CNBD1: variants seen among roughly 807,000 people sequenced by gnomAD.
CNBD1 encodes cyclic nucleotide binding domain containing 1.
In CNBD1, 71 loss-of-function variants were observed where a neutral mutation model predicts 54.4. That is an observed-to-expected ratio of 1.30 (90% confidence interval 1.08 to 1.59). The LOEUF (loss-of-function observed/expected upper bound fraction) is 1.59, where lower values mean the gene tolerates loss of function less well. Among genes scored for constraint, CNBD1 ranks in the 40% most tolerant of loss-of-function variants. CNBD1 has a pLI of 0.00. For synonymous variants in CNBD1, 182 were observed against 170.7 expected, an observed-to-expected ratio of 1.07 and a Z score of -0.51; for missense variants, 659 against 518.0, an observed-to-expected ratio of 1.27 and a Z score of -2.64.
intron 8 of CNBD1, among the ~76,000 whole-genome samples, chr8:87,299,167 G>T (rs1808937922): frequency 6.6e-6 from 1 of 152,086 alleles, no homozygotes; most frequent in Admixed American, 6.6e-5. Flanking sequence ...AAAAATCTGG[G>T]TTTTATTTAT....
chr8:87,390,809 C>T (rs576386088), intron 2 of CNBD1, among the ~76,000 whole-genome samples: 72 of 152,070 alleles, frequency 4.7e-4, no homozygotes, highest in Non-Finnish European at 9.4e-4. Context: ...TATTGCGGCA[C>T]TATTCACAAT....
At chr8:87,384,736 T>TA (rs773879206), downstream of CNBD1, among the ~76,000 whole-genome samples, 12 of 151,942 alleles carry the variant, frequency 7.9e-5, no homozygotes, top group Non-Finnish European at 1.8e-4. Flanking sequence ...GGTCCAATAA[T>TA]ATGACATTAT....
chr8:87,195,255 G>GTCTC (rs1290505482), intron 4 of CNBD1, among the ~76,000 whole-genome samples: 2 of 137,676 alleles, frequency 1.5e-5, no homozygotes, highest in Non-Finnish European at 3.1e-5. Flanking sequence ...CTGAGATGGA[G>GTCTC]TCTCACTCTG....
At chr8:86,968,853 A>C (rs1000298105) in intron 4 of CNBD1, among the ~76,000 whole-genome samples, 2 of 152,164 alleles carry the variant, frequency 1.3e-5, no homozygotes, top group Non-Finnish European at 2.9e-5. Context: ...ATCTCAGGTG[A>C]GTGGAGGAAT....
intron 2 of CNBD1, among the ~76,000 whole-genome samples, chr8:87,390,222 G>A (rs1811278968): frequency 6.6e-6 from 1 of 152,044 alleles, no homozygotes; most frequent in Non-Finnish European, 1.5e-5. Flanking sequence ...CAAAAGTAAT[G>A]GCAACAAAAG....
rs2130778306 is a variant in CNBD1 at position 87,182,144 on chromosome 8, G to A, written c.432-23849G>A. Among the ~76,000 whole-genome samples, 1 of 152,244 alleles carries A rather than the reference G, an allele frequency of 6.6e-6. No individual in the cohort carries two copies. The highest frequency in any genetic ancestry group is 1.9e-4 in the East Asian group (1 of 5,182). ...TTCCCATTTATAAATGAGAACTGTG[G>A]TATTTGGATTTCTGATCCTATGTTA... is the stretch of plus-strand genomic sequence containing the variant. On this transcript the variant is annotated intron_variant, in intron 4 of 10. Transcript: ENST00000518476. The surrounding 1 kb of genome is among the most constrained non-coding windows in gnomAD (Gnocchi z 4.1).
chr8:87,246,715 G>A (rs1807813452), intron 6 of CNBD1, among the ~76,000 whole-genome samples: 1 of 151,910 alleles, frequency 6.6e-6, no homozygotes, highest in Non-Finnish European at 1.5e-5. Flanking sequence ...ACTCTTCCAG[G>A]CATGGGAGAG....
At chr8:87,199,879 A>T (rs986947216) in intron 4 of CNBD1, among the ~76,000 whole-genome samples, 1 of 152,146 alleles carries the variant, frequency 6.6e-6, no homozygotes, top group Non-Finnish European at 1.5e-5. Context: ...CTTATAACAA[A>T]AATGACCAAG....
intron 4 of CNBD1, among the ~76,000 whole-genome samples, chr8:86,968,666 G>T (rs886414111): frequency 6.6e-6 from 1 of 152,086 alleles, no homozygotes; most frequent in Admixed American, 6.6e-5. Flanking sequence ...GTAGATAAAA[G>T]GACAGAATGG....
Position 86,939,611 on chromosome 8 carries a change from C to A in CNBD1, c.288C>A (p.Gly96=). 6.3e-7 allele frequency: 1 copy of A among 1,586,610 alleles called. No individual in the cohort carries two copies. ...KQEEQRELNE[G]KEESQHQQPD... is the part of the protein sequence containing the mutation. ...TCTTGTTCAGGGAACTCAATGAAGG[C>A]AAAGAGGAAAGTCAACATCAACAAC... The change falls in exon 4 of 11, where the codon GGC becomes GGA. Residue 96 remains glycine, a synonymous_variant. Transcript: ENST00000518476.
intron 2 of CNBD1, among the ~76,000 whole-genome samples, chr8:87,416,938 C>T (rs975270743): frequency 6.6e-6 from 1 of 151,928 alleles, no homozygotes. Context: ...TAGAATTTAT[C>T]CCAGAAATGC....
chr8:87,407,920 G>A (rs558923013), intron 2 of CNBD1, among the ~76,000 whole-genome samples: 1 of 151,900 alleles, frequency 6.6e-6, no homozygotes, highest in East Asian at 1.9e-4. Context: ...TCCCTTTTGA[G>A]TTGGCTTTTC....
chr8:86,937,082 A>G (rs1809562712), intron 3 of CNBD1, among the ~76,000 whole-genome samples: 1 of 152,194 alleles, frequency 6.6e-6, no homozygotes, highest in African/African-American at 2.4e-5. Flanking sequence ...AAAGAGGTTT[A>G]GTTGACTAAC....
chr8:87,407,607 T>C (rs1350314991), intron 2 of CNBD1, among the ~76,000 whole-genome samples: 1 of 152,068 alleles, frequency 6.6e-6, no homozygotes, highest in African/African-American at 2.4e-5. Context: ...GGACTTTCAC[T>C]TCAACCATCT....
chr8:86,940,184 G>A (rs1197145468), intron 4 of CNBD1, among the ~76,000 whole-genome samples: 4 of 132,646 alleles, frequency 3.0e-5, no homozygotes, highest in African/African-American at 6.2e-5. Context: ...AGGCTGGAGT[G>A]CAATGGCACA....
chr8:87,189,040 G>A (rs1813544116), intron 4 of CNBD1, among the ~76,000 whole-genome samples: 1 of 151,882 alleles, frequency 6.6e-6, no homozygotes, highest in African/African-American at 2.4e-5. Flanking sequence ...TGTAGTAGAA[G>A]CAGCTTCTTC....
chr8:86,959,391 G>T (rs1194963847), intron 4 of CNBD1, among the ~76,000 whole-genome samples: 2 of 152,104 alleles, frequency 1.3e-5, no homozygotes, highest in Non-Finnish European at 2.9e-5. Context: ...TTTGATTGTT[G>T]GCCTGCCTTG....
chr8:87,187,376 T>G (rs1813502542), intron 4 of CNBD1, among the ~76,000 whole-genome samples: 8 of 152,106 alleles, frequency 5.3e-5, no homozygotes. Context: ...GAAGTTTATG[T>G]TTGTAAATTA....
intron 1 of CNBD1, among the ~76,000 whole-genome samples, chr8:86,872,491 A>G (rs954896321): frequency 2.6e-5 from 4 of 152,174 alleles, no homozygotes; most frequent in African/African-American, 9.6e-5. Flanking sequence ...TATTGTTAAT[A>G]TTTTGAGGAA....
Sources: gnomAD v4.1 joint callset for allele counts (sites outside exome capture counted in the v4.1 genomes callset) on GRCh38, gnomAD v4.1.1 for gene constraint, Gnocchi (gnomAD v3.1) non-coding constraint, MANE v1.5 for transcripts, NCBI Gene and HGNC (gene_info 2026-07-23, HGNC 2026-07-21) for gene names.